ANO4: variants seen among roughly 807,000 people sequenced by gnomAD.
ANO4 encodes anoctamin-4.
In ANO4, 69 loss-of-function variants were observed where a neutral mutation model predicts 141.9. That is an observed-to-expected ratio of 0.49 (90% CI 0.40 to 0.59). ANO4 has a LOEUF of 0.59. ANO4 is among the 20% of genes least tolerant of loss of function. The probability of loss-of-function intolerance (pLI) is 0.00; values close to 1 mark genes in which losing one functional copy is unlikely to be tolerated. For synonymous variants in ANO4, 350 were observed against 394.3 expected (o/e 0.89, Z 1.33); for missense variants, 894 against 1,162.2 (o/e 0.77, Z 3.36).
intron 1 of ANO4, among the ~76,000 whole-genome samples, chr12:100,839,471 T>C (rs2037122601): frequency 6.6e-6 from 1 of 152,170 alleles, no homozygotes; most frequent in Non-Finnish European, 1.5e-5. Context: ...CAAAAAACAA[T>C]CTGGGCAAGT....
intron 2 of ANO4, among the ~76,000 whole-genome samples, chr12:100,921,566 A>T (rs1018758556): frequency 3.9e-5 from 6 of 152,152 alleles, no homozygotes; most frequent in African/African-American, 1.4e-4. Flanking sequence ...CTACTTTTTG[A>T]TACCTTGGTT....
chr12:100,764,723 G>A (rs17030567), intron 3 of ANO4, among the ~76,000 whole-genome samples: 40 of 152,192 alleles, frequency 2.6e-4, no homozygotes, highest in African/African-American at 8.2e-4. Flanking sequence ...TGGTCACCTG[G>A]TAATTACCTT....
In ANO4 at chr12:100,939,444, G is replaced by A; in HGVS notation, c.290G>A (p.Gly97Glu). The A allele has an allele frequency of 6.2e-7, 1 of 1,613,314 alleles. No homozygotes were observed. The highest frequency in any genetic ancestry group is 8.5e-7 in the Non-Finnish European group (1 of 1,179,504). ...TSDDASRLEA[G>E]GETVPERNKS... Reference sequence around the variant, plus strand: ...GATGATGCCAGCAGATTGGAAGCCGGGGGAGAGGTAAGAGTATATGATTTC... The same window carrying A: ...GATGATGCCAGCAGATTGGAAGCCGAGGGAGAGGTAAGAGTATATGATTTC... The change falls in exon 4 of 28, where the codon GGG becomes GAG. Residue 97 changes from glycine (G) to glutamate (E), a missense_variant. By Grantham distance (98) the Gly-to-Glu change is moderately conservative. Coordinates refer to ENST00000392977, the MANE Select transcript of ANO4 (RefSeq NM_001286615.2).
chr12:100,934,173 A>G (rs676658), intron 3 of ANO4, among the ~76,000 whole-genome samples: 71,313 of 151,946 alleles, frequency 0.47, 16,922 homozygotes, highest in Admixed American at 0.52. Context: ...GTCCTTGCCC[A>G]TGCCTTTGTC....
At chr12:101,009,672 TATC>T (rs2046001937) in intron 8 of ANO4, among the ~76,000 whole-genome samples, 1 of 152,154 alleles carries the variant, frequency 6.6e-6, no homozygotes, top group Non-Finnish European at 1.5e-5. Flanking sequence ...TGTTCTATAA[TATC>T]ATAGGAATGT....
Position 100,733,769 on chromosome 12 carries a change from AACAG to A in ANO4, c.23-1_25del, listed in dbSNP as rs1462204448. On this transcript the variant is annotated splice_acceptor_variant and splice_polypyrimidine_tract_variant and intron_variant, in intron 1 of 29. Coordinates refer to the ANO4 transcript ENST00000644049. LOFTEE classifies it high-confidence loss of function. ...TAACCTTCTTGTCTTTTATTTTCTT[AACAG>A]ACAAAGATGTGAGCAGCGGAAGTTA... 7.1e-6 allele frequency: 5 copies of A among 699,346 alleles called. No individual in the cohort carries two copies. The highest frequency in any genetic ancestry group is 3.0e-5 in the South Asian group (2 of 66,698). The allele number at this position is 699,346 out of a possible 1,614,324, so 43.3% of individuals were successfully genotyped here.
intron 8 of ANO4, among the ~76,000 whole-genome samples, chr12:101,017,289 A>G (rs867432499): frequency 6.6e-5 from 10 of 152,286 alleles, no homozygotes; most frequent in South Asian, 4.1e-4. Context: ...AGATCTCATG[A>G]GACTTACTCA....
chr12:101,079,186 G>A lies in ANO4; in HGVS notation c.1313-7G>A. ...AAAATGTCTTTGTCTTTCTCTGCTT[G>A]TTCCAGCAACAGTTTTCCTGGAGTT... On this transcript the variant is annotated splice_region_variant and splice_polypyrimidine_tract_variant and intron_variant, in intron 14 of 27. Coordinates refer to ENST00000392977, the MANE Select transcript of ANO4 (RefSeq NM_001286615.2). The A allele has an allele frequency of 6.2e-7, 1 of 1,612,962 alleles. No homozygotes were observed. Among genetic ancestry groups the A allele is most frequent in the East Asian group, 2.2e-5 (1 of 44,854 alleles).
intron 1 of ANO4, among the ~76,000 whole-genome samples, chr12:100,858,152 G>A (rs1457626648): frequency 6.6e-6 from 1 of 152,122 alleles, no homozygotes; most frequent in Non-Finnish European, 1.5e-5. Flanking sequence ...GAAATGCATT[G>A]TTAGCTGATT....
At chr12:100,784,457 A>G (rs1211612691) in intron 3 of ANO4, among the ~76,000 whole-genome samples, 1 of 152,166 alleles carries the variant, frequency 6.6e-6, no homozygotes, top group African/African-American at 2.4e-5. Flanking sequence ...AAGCAACTGC[A>G]GTTCTCTTCT....
At chr12:100,772,623 T>G (rs2033346792) in intron 3 of ANO4, among the ~76,000 whole-genome samples, 1 of 152,196 alleles carries the variant, frequency 6.6e-6, no homozygotes, top group African/African-American at 2.4e-5. Flanking sequence ...ATTTTCCCTT[T>G]GGAGCCTGAC....
At chr12:101,103,181 T>TA (rs1555302952) in intron 22 of ANO4, among the ~76,000 whole-genome samples, 32 of 90,666 alleles carry the variant, frequency 3.5e-4, no homozygotes, top group African/African-American at 1.6e-3. Context: ...TTTTTAGTCA[T>TA]TTTATATATA....
At chr12:100,798,945 G>A (rs1053916058) in intron 1 of ANO4, among the ~76,000 whole-genome samples, 60 of 152,196 alleles carry the variant, frequency 3.9e-4, no homozygotes, top group African/African-American at 1.4e-3. Flanking sequence ...ATGTAATACA[G>A]TAGGAATTCA....
At chr12:100,731,308 C>T (rs904784680) in intron 1 of ANO4, among the ~76,000 whole-genome samples, 24 of 152,114 alleles carry the variant, frequency 1.6e-4, no homozygotes, top group African/African-American at 5.6e-4. Context: ...TTATATTAGA[C>T]AAAATGTATT....
chr12:100,919,736 G>GTATGTATGTATC lies in ANO4; in HGVS notation c.56-2487_56-2486insGTATGTATCTAT, dbSNP rs3059277. Among the ~76,000 whole-genome samples the GTATGTATGTATC allele has an allele frequency of 5.5e-3, 733 of 133,112 alleles. 2 individuals are homozygous for GTATGTATGTATC. Among genetic ancestry groups the GTATGTATGTATC allele is most frequent in the Non-Finnish European group, 7.0e-3 (435 of 62,272 alleles). The allele number at this position is 133,112 out of a possible 152,430, so 87.3% of individuals were successfully genotyped here. On this transcript the variant is annotated intron_variant, in intron 2 of 27. Transcript: ENST00000392977. ...TGTATGTATGTATGTGTGTATGTAT[G>GTATGTATGTATC]TATCTATCTATCTATCTATCTATCT...
chr12:101,080,884 T>TATATATATATATATATA (rs2049234142), intron 15 of ANO4, among the ~76,000 whole-genome samples: 1 of 29,710 alleles, frequency 3.4e-5, no homozygotes, highest in Non-Finnish European at 7.6e-5. Context: ...ATATATATAT[T>TATATATATATATATATA]ATATATATAT....
chr12:100,757,026 G>GT (rs1036966591), intron 3 of ANO4, among the ~76,000 whole-genome samples: 41 of 151,814 alleles, frequency 2.7e-4, no homozygotes, highest in East Asian at 1.9e-3. Context: ...TGTTGCCTCA[G>GT]TTTTTTTTTA....
intron 5 of ANO4, among the ~76,000 whole-genome samples, chr12:100,960,685 T>G (rs2136234193): frequency 6.6e-6 from 1 of 152,304 alleles, no homozygotes; most frequent in Non-Finnish European, 1.5e-5. Flanking sequence ...CACCAAATTC[T>G]TCTGTCTTTT....
Position 100,798,049 on chromosome 12 carries a change from T to C in ANO4, c.-141+3022T>C, listed in dbSNP as rs1416809887. Among the ~76,000 whole-genome samples, 3 of 152,212 alleles carry C rather than the reference T, an allele frequency of 2.0e-5. No homozygotes were observed. In the East Asian group the frequency reaches 5.8e-4, roughly 29 times the overall value. ...CATAGTTGATTACCAGGACCAGAAATAGAATTGATTTTGCATTTTAATTAA... is the reference window on the plus strand; with the variant it reads ...CATAGTTGATTACCAGGACCAGAAACAGAATTGATTTTGCATTTTAATTAA... On this transcript the variant is annotated intron_variant, in intron 1 of 27. Transcript: ENST00000392977.
Sources: gnomAD v4.1 joint callset for allele counts (sites outside exome capture counted in the v4.1 genomes callset) on GRCh38, gnomAD v4.1.1 for gene constraint, MANE v1.5 for transcripts, NCBI Gene and HGNC (gene_info 2026-07-23, HGNC 2026-07-21) for gene names.